CSMD3: variants seen among roughly 807,000 people sequenced by gnomAD.
The protein encoded by CSMD3 is CUB and sushi domain-containing protein 3.
In CSMD3, 177 loss-of-function variants were observed where a neutral mutation model predicts 435.2. The observed-to-expected ratio is 0.41, with a 90% confidence interval of 0.36 to 0.46. The LOEUF (loss-of-function observed/expected upper bound fraction) is 0.46, where lower values mean the gene tolerates loss of function less well. Among genes scored for constraint, CSMD3 ranks in the 20% least tolerant of loss-of-function variants. CSMD3 has a pLI of 0.34. For synonymous variants in CSMD3, 1,656 were observed against 1,520.5 expected (o/e 1.09, Z -2.07); for missense variants, 4,265 against 4,504.6 (o/e 0.95, Z 1.52).
At chr8:113,337,398 T>C (rs1003620375) in intron 1 of CSMD3, among the ~76,000 whole-genome samples, 4 of 152,112 alleles carry the variant, frequency 2.6e-5, no homozygotes, top group African/African-American at 4.8e-5. Flanking sequence ...TGAGAAAATA[T>C]AGTTTGTTCA....
chr8:113,418,012 A>C (rs2094590217), intron 1 of CSMD3, among the ~76,000 whole-genome samples: 1 of 152,118 alleles, frequency 6.6e-6, no homozygotes, highest in African/African-American at 2.4e-5. Flanking sequence ...TTAATATTCT[A>C]TTGTAAATCC....
chr8:113,173,597 C>T (rs1229545610), intron 4 of CSMD3, 125 bp downstream of exon 4: 3 of 788,924 alleles, frequency 3.8e-6, no homozygotes, highest in African/African-American at 3.4e-5. Flanking sequence ...GCTGGGATTA[C>T]AGGCGTGAGT....
intron 1 of CSMD3, among the ~76,000 whole-genome samples, chr8:113,324,222 C>T (rs570349333): frequency 2.0e-5 from 3 of 152,224 alleles, no homozygotes; most frequent in East Asian, 1.9e-4. Context: ...GCATAAGTTA[C>T]GTGGAAAGAA....
At chr8:112,312,712 A>G (rs1182698802) in intron 49 of CSMD3, among the ~76,000 whole-genome samples, 1 of 152,208 alleles carries the variant, frequency 6.6e-6, no homozygotes, top group East Asian at 1.9e-4. Context: ...AATTAGTTAA[A>G]ATCAAACTAT....
intron 5 of CSMD3, among the ~76,000 whole-genome samples, chr8:113,037,019 T>G (rs1338813383): frequency 3.3e-5 from 5 of 152,116 alleles, no homozygotes; most frequent in Non-Finnish European, 7.4e-5. Flanking sequence ...CAGGTGCATT[T>G]TTTATTTAAT....
chr8:113,188,983 A>C (rs1382993978), intron 3 of CSMD3, among the ~76,000 whole-genome samples: 1 of 151,876 alleles, frequency 6.6e-6, no homozygotes, highest in East Asian at 1.9e-4. Context: ...ATTTGGGCAC[A>C]GACTCATTTT....
chr8:112,636,139 C>T (rs549386899), intron 22 of CSMD3, among the ~76,000 whole-genome samples: 25 of 152,112 alleles, frequency 1.6e-4, no homozygotes, highest in African/African-American at 6.0e-4. Context: ...AGCCTTTTTT[C>T]TACCGAACAT....
intron 45 of CSMD3, among the ~76,000 whole-genome samples, chr8:112,331,405 G>A (rs547541652): frequency 9.9e-5 from 15 of 151,866 alleles, no homozygotes; most frequent in Admixed American, 7.2e-4. Context: ...CAACATTTAC[G>A]CTTGTCCTAT....
intron 12 of CSMD3, among the ~76,000 whole-genome samples, chr8:112,812,317 A>T (rs977060336): frequency 2.0e-5 from 3 of 152,170 alleles, no homozygotes; most frequent in African/African-American, 7.2e-5. Context: ...ACAAGCATAG[A>T]ACTTCAGTAA....
intron 3 of CSMD3, among the ~76,000 whole-genome samples, chr8:113,232,414 C>T (rs749183429): frequency 3.3e-5 from 5 of 151,476 alleles, no homozygotes; most frequent in Admixed American, 6.6e-5. Flanking sequence ...CATATTTTAA[C>T]GTGCACGAAA....
chr8:113,315,693 T>C (rs2093904369), intron 1 of CSMD3, among the ~76,000 whole-genome samples: 1 of 148,254 alleles, frequency 6.7e-6, no homozygotes, highest in East Asian at 1.9e-4. Flanking sequence ...ATCAAATGTA[T>C]ATTAAATATA....
chr8:112,742,825 G>A (rs1355333080), intron 13 of CSMD3, among the ~76,000 whole-genome samples: 2 of 151,970 alleles, frequency 1.3e-5, no homozygotes, highest in African/African-American at 4.8e-5. Flanking sequence ...ACTGACTACT[G>A]AGTATGATTG....
Position 112,682,107 on chromosome 8 carries a change from G to GA in CSMD3, c.2677+334dup, listed in dbSNP as rs1352869321. Among the ~76,000 whole-genome samples, 8 of 151,682 alleles carry GA rather than the reference G, an allele frequency of 5.3e-5. 1 individual carries two copies. The highest frequency in any genetic ancestry group is 3.4e-3 in the Middle Eastern group (1 of 292). ...GTACCATGAATAGATAACATACCGA[G>GA]AAAAAATGAATGGAAACTATAAAGT... On this transcript the variant is annotated intron_variant, in intron 16 of 70. Coordinates refer to ENST00000297405, the MANE Select transcript of CSMD3 (RefSeq NM_198123.2).
intron 1 of CSMD3, among the ~76,000 whole-genome samples, chr8:113,400,047 C>A (rs78206777): frequency 0.021 from 3,238 of 151,718 alleles, 118 homozygotes; most frequent in African/African-American, 0.075. Flanking sequence ...AGAGTCTTAG[C>A]TTTGTTTAAA....
intron 3 of CSMD3, among the ~76,000 whole-genome samples, chr8:113,221,477 G>C (rs1265472751): frequency 6.6e-6 from 1 of 150,800 alleles, no homozygotes; most frequent in Non-Finnish European, 1.5e-5. Flanking sequence ...TTTTTTTCAT[G>C]TTTTTATTTT....
chr8:112,834,895 C>A (rs1184793635), intron 11 of CSMD3, among the ~76,000 whole-genome samples: 4 of 151,664 alleles, frequency 2.6e-5, no homozygotes, highest in Admixed American at 6.6e-5. Flanking sequence ...ACATAAATTG[C>A]ATTTAGCACA....
At chr8:113,225,684 A>AGG (rs1442157338) in intron 3 of CSMD3, among the ~76,000 whole-genome samples, 1 of 151,594 alleles carries the variant, frequency 6.6e-6, no homozygotes, top group Non-Finnish European at 1.5e-5. Context: ...AACAGTTGGT[A>AGG]TGAATGTCAG....
intron 3 of CSMD3, among the ~76,000 whole-genome samples, chr8:113,272,885 G>C (rs753524883): frequency 6.6e-6 from 1 of 151,976 alleles, no homozygotes; most frequent in East Asian, 1.9e-4. Context: ...AACAGGGGTT[G>C]GTTCATGGGT....
At chr8:112,692,590 G>A (rs1466246471) in intron 13 of CSMD3, among the ~76,000 whole-genome samples, 3 of 152,150 alleles carry the variant, frequency 2.0e-5, no homozygotes, top group African/African-American at 7.2e-5. Context: ...AGTTCCAAAT[G>A]TGGATTTGAC....
Sources: allele counts gnomAD v4.1 joint callset (sites outside exome capture counted in the v4.1 genomes callset), GRCh38; gene constraint gnomAD v4.1.1; transcripts MANE v1.5; gene names NCBI Gene and HGNC (gene_info 2026-07-23, HGNC 2026-07-21).